BNC2: variants seen among roughly 807,000 people sequenced by gnomAD.
The protein encoded by BNC2 is zinc finger protein basonuclin-2.
In BNC2, 20 loss-of-function variants were observed where a neutral mutation model predicts 76.3. That is an observed-to-expected ratio of 0.26 (90% confidence interval 0.18 to 0.38). BNC2 has a LOEUF of 0.38. Among genes scored for constraint, BNC2 ranks in the 10% least tolerant of loss-of-function variants. The pLI, the probability that BNC2 is intolerant of heterozygous loss-of-function variation, is 1.00. For synonymous variants in BNC2, 582 were observed against 514.8 expected, an observed-to-expected ratio of 1.13 and a Z score of -1.77; for missense variants, 1,382 against 1,399.8, an observed-to-expected ratio of 0.99 and a Z score of 0.20.
At chr9:16,765,161 G>T (rs538182017) in intron 1 of BNC2, among the ~76,000 whole-genome samples, 1 of 152,244 alleles carries the variant, frequency 6.6e-6, no homozygotes, top group East Asian at 1.9e-4. Flanking sequence ...ACCCATTTGA[G>T]GGATTTTTGT....
chr9:16,671,498 A>T (rs1190571337), intron 3 of BNC2, among the ~76,000 whole-genome samples: 2 of 152,178 alleles, frequency 1.3e-5, no homozygotes, highest in African/African-American at 4.8e-5. Context: ...CTTTACCCCA[A>T]CATCAGCCTT....
At chr9:16,744,110 G>A (rs879475663) in intron 1 of BNC2, among the ~76,000 whole-genome samples, 15 of 152,032 alleles carry the variant, frequency 9.9e-5, no homozygotes, top group Non-Finnish European at 2.2e-4. Context: ...AGGACTACAG[G>A]CGCCTGCCAC....
intron 3 of BNC2, among the ~76,000 whole-genome samples, chr9:16,643,952 C>T (rs1821557240): frequency 6.6e-6 from 1 of 152,048 alleles, no homozygotes; most frequent in Admixed American, 6.6e-5. Context: ...TTCAGAAGAA[C>T]CTATGGGAGG....
chr9:16,744,253 GCCA>G (rs944480071), intron 1 of BNC2, among the ~76,000 whole-genome samples: 25 of 152,282 alleles, frequency 1.6e-4, no homozygotes, highest in African/African-American at 5.5e-4. Flanking sequence ...ACAGGCGTAA[GCCA>G]CCACGCCTGG....
chr9:16,509,738 G>C (rs2131895890), intron 5 of BNC2, among the ~76,000 whole-genome samples: 1 of 152,304 alleles, frequency 6.6e-6, no homozygotes, highest in African/African-American at 2.4e-5. Flanking sequence ...TCTGGCCAAA[G>C]AAAGCAGTAT....
chr9:16,570,255 G>A (rs928247457), intron 4 of BNC2, among the ~76,000 whole-genome samples: 2 of 152,124 alleles, frequency 1.3e-5, no homozygotes, highest in Non-Finnish European at 2.9e-5. Flanking sequence ...GCCAGCATCT[G>A]GTAGGGAAAT....
At chr9:16,854,671 C>T (rs1471612867) in intron 1 of BNC2, among the ~76,000 whole-genome samples, 2 of 151,938 alleles carry the variant, frequency 1.3e-5, no homozygotes, top group Non-Finnish European at 2.9e-5. Context: ...AATGAGACTG[C>T]CATCTGCATT....
intron 3 of BNC2, among the ~76,000 whole-genome samples, chr9:16,636,930 T>C (rs986151981): frequency 1.3e-5 from 2 of 151,784 alleles, no homozygotes; most frequent in African/African-American, 4.8e-5. Flanking sequence ...GATTTAAATA[T>C]ATATATATAT....
intron 1 of BNC2, among the ~76,000 whole-genome samples, chr9:16,862,973 G>A (rs947977609): frequency 1.3e-5 from 2 of 150,726 alleles, no homozygotes. Flanking sequence ...AGAGTGCAGT[G>A]GCGAGATCTT....
intron 3 of BNC2, among the ~76,000 whole-genome samples, chr9:16,670,671 TAAG>T (rs1017726809): frequency 1.2e-4 from 19 of 152,164 alleles, no homozygotes; most frequent in African/African-American, 4.6e-4. Flanking sequence ...TTCCAAGAGG[TAAG>T]ATAAAATTAT....
intron 1 of BNC2, among the ~76,000 whole-genome samples, chr9:16,748,572 A>G (rs1187980788): frequency 6.6e-6 from 1 of 151,864 alleles, no homozygotes; most frequent in East Asian, 1.9e-4. Context: ...GCCCGGGTGC[A>G]GTGGCTCATG....
chr9:16,798,956 C>T (rs1031009355), intron 1 of BNC2, among the ~76,000 whole-genome samples: 3 of 152,088 alleles, frequency 2.0e-5, no homozygotes, highest in African/African-American at 7.2e-5. Flanking sequence ...CTAAATACAC[C>T]ACTTTCTATC....
intron 3 of BNC2, among the ~76,000 whole-genome samples, chr9:16,658,492 T>C (rs190653241): frequency 2.6e-5 from 4 of 152,354 alleles, no homozygotes; most frequent in Non-Finnish European, 4.4e-5. Flanking sequence ...TCACCGTGAA[T>C]AGTCCCCATA....
intron 5 of BNC2, among the ~76,000 whole-genome samples, chr9:16,469,767 G>A (rs1821780474): frequency 6.6e-6 from 1 of 152,136 alleles, no homozygotes; most frequent in South Asian, 2.1e-4. Context: ...TAGCAATATG[G>A]ACAATAAAAT....
intron 1 of BNC2, among the ~76,000 whole-genome samples, chr9:16,750,597 A>C (rs1355898709): frequency 6.6e-6 from 1 of 152,124 alleles, no homozygotes; most frequent in East Asian, 1.9e-4. Context: ...TCTCAAACAA[A>C]CTCTAGAATC....
chr9:16,547,609 A>G (rs1467153738), intron 5 of BNC2, among the ~76,000 whole-genome samples: 4 of 152,202 alleles, frequency 2.6e-5, no homozygotes, highest in African/African-American at 9.6e-5. Context: ...CTACACTACA[A>G]AAGACCTACA....
chr9:16,433,829 A>G (rs1820951013), intron 6 of BNC2, among the ~76,000 whole-genome samples: 1 of 152,186 alleles, frequency 6.6e-6, no homozygotes, highest in Non-Finnish European at 1.5e-5. Context: ...CTTGTCTTCA[A>G]ACACTCCATT....
At chr9:16,681,588 ACT>A (rs1173911179) in intron 3 of BNC2, among the ~76,000 whole-genome samples, 2 of 152,228 alleles carry the variant, frequency 1.3e-5, no homozygotes, top group South Asian at 2.1e-4. Context: ...ACACACACAA[ACT>A]CACACACACA....
intron 1 of BNC2, among the ~76,000 whole-genome samples, chr9:16,770,410 T>C (rs142183943): frequency 6.6e-6 from 1 of 152,144 alleles, no homozygotes; most frequent in Non-Finnish European, 1.5e-5. Flanking sequence ...AGAAGGTAAA[T>C]TACTGACATC....
Sources: allele counts gnomAD v4.1 joint callset (sites outside exome capture counted in the v4.1 genomes callset), GRCh38; gene constraint gnomAD v4.1.1; transcripts MANE v1.5; gene names NCBI Gene and HGNC (gene_info 2026-07-23, HGNC 2026-07-21).